The following LAS1L variants were observed in gnomAD, a reference collection of about 807,000 sequenced individuals.
LAS1L encodes the protein LAS1 like ribosome biogenesis factor.
LAS1L carries 5 observed loss-of-function variants against 57.3 expected under a neutral mutation model. That is an observed-to-expected ratio of 0.09 (90% CI 0.05 to 0.18). The LOEUF is 0.18. LAS1L is among the 10% of genes least tolerant of loss of function. LAS1L has a pLI of 1.00. For missense variants in LAS1L, 360 were observed against 568.3 expected (o/e 0.63, Z 3.73); for synonymous variants, 245 against 231.7 (o/e 1.06, Z -0.52).
chrX:65,519,288 G>A (rs2068759111), intron 11 of LAS1L, among the ~76,000 whole-genome samples: 1 of 112,034 alleles, frequency 8.9e-6, no homozygotes, highest in Non-Finnish European at 1.9e-5. Flanking sequence ...AGGTAAGTGT[G>A]TGCATTGGTG....
intron 7 of LAS1L, among the ~76,000 whole-genome samples, chrX:65,525,649 A>ATTAACCCATT (rs1569439386): frequency 9.4e-6 from 1 of 105,935 alleles, no homozygotes; most frequent in African/African-American, 3.6e-5. Context: ...ATCCCTATCT[A>ATTAACCCATT]TTAACCCATT....
rs1028480516 is a variant in LAS1L at position 65,519,413 on chromosome X, C to G, written c.1449-948G>C. On this transcript the variant is annotated intron_variant, in intron 11 of 13. Transcript: ENST00000374811. ...ACAGGCAGCCTGGAGGCAGGGAGACCAGGGAGGAGCCTGTTCCGACAGTTG... is the reference window on the plus strand; with the variant it reads ...ACAGGCAGCCTGGAGGCAGGGAGACGAGGGAGGAGCCTGTTCCGACAGTTG... 5.4e-5 allele frequency among the ~76,000 whole-genome samples: 6 copies of G among 111,825 alleles called. No individual in the cohort carries two copies. In the East Asian group the frequency reaches 8.5e-4, roughly 16 times the overall value.
chrX:65,530,766 A>G (rs773258275), intron 4 of LAS1L, among the ~76,000 whole-genome samples: 36 of 104,546 alleles, frequency 3.4e-4, no homozygotes, highest in African/African-American at 1.2e-3. Flanking sequence ...GTGAACTGAG[A>G]TTGCGCCACT....
chrX:65,529,532 G>A (rs1442621530), intron 5 of LAS1L, 62 bp downstream of exon 5: 4 of 1,103,099 alleles, frequency 3.6e-6, no homozygotes, highest in Non-Finnish European at 4.9e-6. Flanking sequence ...AATAAACAGC[G>A]TTAACCCTAA....
rs6524993 is a variant in LAS1L, at chrX:65,532,884, A to C, written c.363-254T>G. Among the ~76,000 whole-genome samples, 26,128 of 111,237 alleles carry C rather than the reference A, an allele frequency of 0.23. 7,396 individuals are homozygous for C. Among genetic ancestry groups the C allele is most frequent in the African/African-American group, 0.81 (24,506 of 30,194 alleles). ...AACAGTTCGGTCTAGGATAAATAATAATGATACAATGTAACATATTAGGCT... is the reference window on the plus strand; with the variant it reads ...AACAGTTCGGTCTAGGATAAATAATCATGATACAATGTAACATATTAGGCT... On this transcript the variant is annotated intron_variant, in intron 2 of 13. Coordinates refer to ENST00000374811, the MANE Select transcript of LAS1L (RefSeq NM_031206.7).
Position 65,521,393 on chromosome X carries a change from A to T in LAS1L, c.1448+2167T>A, listed in dbSNP as rs968574102. On this transcript the variant is annotated intron_variant, in intron 11 of 13. Transcript: ENST00000374811. ...GTGCTAGGGCACGGACAGCTGATGT[A>T]GAGTCCTTGCCCTTGAAAAGCTTAG... is the stretch of plus-strand genomic sequence containing the variant. 80 of 433,291 alleles carry T rather than the reference A, an allele frequency of 1.8e-4. No individual in the cohort carries two copies. In the African/African-American group the frequency reaches 2.1e-3, roughly 11 times the overall value. The allele number at this position is 433,291 out of a possible 1,213,427, so 35.7% of individuals were successfully genotyped here. A position where few individuals can be genotyped will look rare whatever the true frequency, so the allele number is the denominator to read the frequency against.
At position 65,517,980 on chromosome X, in the gene LAS1L, T is replaced by G; in HGVS notation, c.1927+7A>C. 8.4e-7 allele frequency: 1 copy of G among 1,183,908 alleles called. No homozygotes were observed. The highest frequency in any genetic ancestry group is 1.1e-6 in the Non-Finnish European group (1 of 884,407). On this transcript the variant is annotated splice_region_variant and intron_variant, in intron 12 of 13. Transcript: ENST00000374811. ...AGAAGTCCATGTGGGGACAAAGTAG[T>G]TCTTACCTGAGCTAACCTGCCATGC...
Position 65,531,571 on chromosome X carries a change from A to T in LAS1L, c.433-133T>A, listed in dbSNP as rs912793477. ...AGAGAAACTGAGGTCCTGAAAGAAGATTCCAATCACAGTGACAGAGCCAAG... is the reference window on the plus strand; with the variant it reads ...AGAGAAACTGAGGTCCTGAAAGAAGTTTCCAATCACAGTGACAGAGCCAAG... On this transcript the variant is annotated intron_variant, in intron 3 of 13. Coordinates refer to ENST00000374811, the MANE Select transcript of LAS1L (RefSeq NM_031206.7). The T allele has an allele frequency of 5.0e-5, 23 of 460,003 alleles. No homozygotes were observed. The African/African-American group carries it at 5.6e-4, about 11-fold the overall frequency. 37.9% of individuals were successfully genotyped at this position (460,003 alleles called of 1,213,427 possible).
intron 7 of LAS1L, among the ~76,000 whole-genome samples, 157 bp downstream of exon 7, chrX:65,528,103 G>A (rs141508385): frequency 0.014 from 1,548 of 111,688 alleles, 26 homozygotes; most frequent in African/African-American, 0.047. Context: ...AGGGCAGACA[G>A]TTCTGCCAAA....
intron 13 of LAS1L, among the ~76,000 whole-genome samples, chrX:65,513,169 G>A: frequency 8.9e-6 from 1 of 112,345 alleles, no homozygotes; most frequent in Non-Finnish European, 1.9e-5. Context: ...GATTAAAGCA[G>A]AGCTGTTTGG....
At chrX:65,527,489 TTC>T (rs1424120637) in intron 7 of LAS1L, among the ~76,000 whole-genome samples, 1 of 110,670 alleles carries the variant, frequency 9.0e-6, no homozygotes, top group Non-Finnish European at 1.9e-5. Flanking sequence ...GTTAACTATG[TTC>T]GCACCACTGC....
At chrX:65,534,345 C>T (rs1445568768) in intron 1 of LAS1L, 135 bp downstream of exon 1, 2 of 475,598 alleles carry the variant, frequency 4.2e-6, no homozygotes, top group Non-Finnish European at 7.2e-6. Context: ...GCCGCGTTCC[C>T]CCAGGCATTT....
chrX:65,517,843 T>A (rs754338422), intron 12 of LAS1L, 144 bp downstream of exon 12: 1 of 1,026,221 alleles, frequency 9.7e-7, no homozygotes, highest in East Asian at 3.4e-5. Context: ...AGAAGCCAGC[T>A]GTCATCTATG....
At chrX:65,528,494 G>A (rs747714728) in intron 6 of LAS1L, 125 bp from the exon 7 acceptor site, 3 of 421,539 alleles carry the variant, frequency 7.1e-6, no homozygotes, top group Admixed American at 8.3e-5. Context: ...GGGCATGCAG[G>A]GGGGGGCCCA....
rs2068997748 is a variant in LAS1L at position 65,524,058 on chromosome X, G to A, written c.1298C>T (p.Thr433Ile). Residue 433 changes from threonine to isoleucine, a missense_variant and splice_region_variant, in exon 10 of 14, where the codon ACT becomes ATT. By Grantham distance (89) the Thr-to-Ile change is moderately conservative. Transcript: ENST00000374811. ...GGGCTAGGGCTAGTCTCCCTCACCA[G>A]TCTTGGTGTTGGCCACGATCAGTTC... ...TVELIVANTK[T>I]GRNARRFSAG... The A allele has an allele frequency of 8.3e-7, 1 of 1,207,621 alleles. No individual in the cohort carries two copies. The highest frequency in any genetic ancestry group is 2.2e-5 in the Admixed American group (1 of 45,726).
intron 13 of LAS1L, among the ~76,000 whole-genome samples, chrX:65,513,563 C>T (rs920866134): frequency 5.3e-5 from 6 of 112,366 alleles, no homozygotes; most frequent in Non-Finnish European, 1.1e-4. Context: ...AGTTCCACCA[C>T]CTCCCATCAC....
intron 2 of LAS1L, among the ~76,000 whole-genome samples, chrX:65,533,256 G>A (rs1048723799): frequency 1.1e-4 from 12 of 109,692 alleles, no homozygotes; most frequent in African/African-American, 4.0e-4. Context: ...TCACAGGCGA[G>A]GACCCTGAGC....
At chrX:65,526,544 C>A (rs1470370606) in intron 7 of LAS1L, among the ~76,000 whole-genome samples, 1 of 111,540 alleles carries the variant, frequency 9.0e-6, no homozygotes, top group Non-Finnish European at 1.9e-5. Flanking sequence ...ACTCCAGGGG[C>A]AATCCCAGCC....
intron 1 of LAS1L, among the ~76,000 whole-genome samples, chrX:65,534,154 G>A (rs73520296): frequency 0.083 from 9,217 of 111,656 alleles, 1,022 homozygotes; most frequent in African/African-American, 0.29. Context: ...CTACCCTAGG[G>A]TACTAATCTA....
Sources: allele counts gnomAD v4.1 joint callset (sites outside exome capture counted in the v4.1 genomes callset), GRCh38; gene constraint gnomAD v4.1.1; transcripts MANE v1.5; gene names NCBI Gene and HGNC (gene_info 2026-07-23, HGNC 2026-07-21).